Variants in HMGCLL1 observed in about 807,000 individuals in gnomAD.
HMGCLL1 encodes 3-hydroxymethyl-3-methylglutaryl-CoA lyase, cytoplasmic.
In HMGCLL1, 36 loss-of-function variants were observed where a neutral mutation model predicts 39.1. The observed-to-expected ratio is 0.92, with a 90% confidence interval of 0.71 to 1.22. The LOEUF is 1.22. Among genes scored for constraint, HMGCLL1 ranks in the 50% most tolerant of loss-of-function variants. The pLI, the probability that HMGCLL1 is intolerant of heterozygous loss-of-function variation, is 0.00. For synonymous variants in HMGCLL1, 149 were observed against 144.0 expected (o/e 1.03, Z -0.25); for missense variants, 451 against 416.5 (o/e 1.08, Z -0.72).
chr6:55,573,696 A>G (rs1771629447), intron 1 of HMGCLL1, among the ~76,000 whole-genome samples: 1 of 152,182 alleles, frequency 6.6e-6, no homozygotes, highest in African/African-American at 2.4e-5. Flanking sequence ...AATAAGGCAC[A>G]GAGAAAGTTC....
At chr6:55,518,566 G>T (rs1284968420) in intron 3 of HMGCLL1, among the ~76,000 whole-genome samples, 5 of 152,078 alleles carry the variant, frequency 3.3e-5, no homozygotes, top group Non-Finnish European at 5.9e-5. Flanking sequence ...CTGAAGCCAG[G>T]TTACAAAAAA....
chr6:55,574,052 A>AAAAC (rs1184350581), intron 1 of HMGCLL1, among the ~76,000 whole-genome samples: 1 of 152,066 alleles, frequency 6.6e-6, no homozygotes, highest in Non-Finnish European at 1.5e-5. Flanking sequence ...CATGGCTGTT[A>AAAAC]ATTTTTTAGA....
chr6:55,460,143 G>T (rs1018482206), intron 7 of HMGCLL1, among the ~76,000 whole-genome samples: 1 of 151,924 alleles, frequency 6.6e-6, no homozygotes, highest in Non-Finnish European at 1.5e-5. Context: ...ATGAATGCAT[G>T]CATGCCTCTG....
chr6:55,472,718 G>A (rs1765101789), intron 7 of HMGCLL1, among the ~76,000 whole-genome samples: 1 of 151,334 alleles, frequency 6.6e-6, no homozygotes, highest in Non-Finnish European at 1.5e-5. Context: ...GCATTAATAT[G>A]TATTCTGATA....
chr6:55,473,058 C>A (rs1484568297), intron 7 of HMGCLL1, among the ~76,000 whole-genome samples: 1 of 151,188 alleles, frequency 6.6e-6, no homozygotes, highest in African/African-American at 2.4e-5. Context: ...AATATTGCTA[C>A]CCCAGCTTTC....
the HMGCLL1 span, among the ~76,000 whole-genome samples, chr6:55,626,168 C>A: frequency 6.6e-6 from 1 of 152,108 alleles, no homozygotes; most frequent in African/African-American, 2.4e-5. Context: ...TTATATTGGA[C>A]CTCTTCCATC....
intron 1 of HMGCLL1, among the ~76,000 whole-genome samples, chr6:55,558,378 T>C (rs1770775848): frequency 6.6e-6 from 1 of 152,180 alleles, no homozygotes; most frequent in South Asian, 2.1e-4. Context: ...GTGGTCCTGG[T>C]TTATACCTGT....
chr6:55,437,083 C>A (rs907260346), intron 8 of HMGCLL1, among the ~76,000 whole-genome samples: 6 of 151,936 alleles, frequency 3.9e-5, no homozygotes, highest in Non-Finnish European at 8.8e-5. Flanking sequence ...TCAGTAAGTC[C>A]ATTTGTCACA....
At chr6:55,439,015 G>C (rs925873310) in intron 8 of HMGCLL1, among the ~76,000 whole-genome samples, 1 of 151,978 alleles carries the variant, frequency 6.6e-6, no homozygotes, top group Admixed American at 6.6e-5. Context: ...AAAGTGCCCT[G>C]GGAGTTCTTC....
At chr6:55,573,305 A>G (rs1457988590) in intron 1 of HMGCLL1, among the ~76,000 whole-genome samples, 1 of 152,132 alleles carries the variant, frequency 6.6e-6, no homozygotes, top group Non-Finnish European at 1.5e-5. Flanking sequence ...TTACATCTAT[A>G]ATTATTTTCA....
chr6:55,526,522 T>C (rs1044012706), intron 3 of HMGCLL1, among the ~76,000 whole-genome samples: 23 of 152,184 alleles, frequency 1.5e-4, no homozygotes, highest in Non-Finnish European at 2.8e-4. Flanking sequence ...ATTTAATAAA[T>C]GATTGTTGAA....
intron 1 of HMGCLL1, among the ~76,000 whole-genome samples, chr6:55,547,484 G>C (rs9396107): frequency 0.38 from 57,636 of 151,726 alleles, 12,386 homozygotes; most frequent in East Asian, 0.52. Flanking sequence ...ATCATCTATA[G>C]TAGAAATTTC....
chr6:55,561,915 A>G lies in HMGCLL1; in HGVS notation c.108+17033T>C, dbSNP rs548154164. 3.4e-3 allele frequency among the ~76,000 whole-genome samples: 520 copies of G among 152,258 alleles called. 2 individuals carry two copies. Among genetic ancestry groups the G allele is most frequent in the African/African-American group, 0.012 (508 of 41,570 alleles). On this transcript the variant is annotated intron_variant, in intron 1 of 8. Transcript: ENST00000274901. ...GTCTTCTCAGCATACGATAAACTAA[A>G]TGATGGAAGAAATTATAAACTATAA... is the stretch of plus-strand genomic sequence containing the variant.
Position 55,474,445 on chromosome 6 carries a change from GT to G in HMGCLL1, c.795+20973del, listed in dbSNP as rs199836558. On this transcript the variant is annotated intron_variant, in intron 7 of 8. Coordinates refer to ENST00000274901, the MANE Select transcript of HMGCLL1 (RefSeq NM_001042406.2). Reference sequence around the variant, plus strand: ...TCAACAGCATTCTTCATTTCTATTAGTTTTTTTTTCTAGCATTTCTTTTTTA... The same window carrying G: ...TCAACAGCATTCTTCATTTCTATTAGTTTTTTTTCTAGCATTTCTTTTTTA... Among the ~76,000 whole-genome samples the G allele has an allele frequency of 6.7e-3, 1,012 of 150,804 alleles. 14 individuals are homozygous for G. Among genetic ancestry groups the G allele is most frequent in the African/African-American group, 0.023 (936 of 41,234 alleles).
rs946384006 is a variant in HMGCLL1, at chr6:55,479,062, TAAAC to T, written c.795+16353_795+16356del. Among the ~76,000 whole-genome samples the T allele has an allele frequency of 2.2e-4, 33 of 151,714 alleles. 2 individuals carry two copies. The highest frequency in any genetic ancestry group is 6.6e-4 in the African/African-American group (27 of 41,082). On this transcript the variant is annotated intron_variant, in intron 7 of 8. Transcript: ENST00000274901. ...GCACAGCTTTAAGTAGTTTTAATCT[TAAAC>T]AAAGTTTAAGCTGAAAGAAATCTCT...
chr6:55,633,144 G>C, the HMGCLL1 span, among the ~76,000 whole-genome samples: 15 of 152,162 alleles, frequency 9.9e-5, no homozygotes, highest in African/African-American at 3.4e-4. Flanking sequence ...TGACTCACTA[G>C]CCCACACCAG....
At chr6:55,555,604 C>T (rs1016462360) in intron 1 of HMGCLL1, among the ~76,000 whole-genome samples, 2 of 152,176 alleles carry the variant, frequency 1.3e-5, no homozygotes, top group Non-Finnish European at 1.5e-5. Context: ...TAAATGGGTA[C>T]AATTCATCCA....
At chr6:55,556,061 T>C (rs887466967) in intron 1 of HMGCLL1, among the ~76,000 whole-genome samples, 1 of 152,038 alleles carries the variant, frequency 6.6e-6, no homozygotes, top group African/African-American at 2.4e-5. Context: ...CAATAATTGT[T>C]AGCAGCATCA....
chr6:55,475,331 C>T (rs568820078), intron 7 of HMGCLL1, among the ~76,000 whole-genome samples: 2 of 151,670 alleles, frequency 1.3e-5, no homozygotes, highest in African/African-American at 4.8e-5. Context: ...GTAAGACTCA[C>T]AAAATTAGCG....
Sources: gnomAD v4.1 joint callset for allele counts (sites outside exome capture counted in the v4.1 genomes callset) on GRCh38, gnomAD v4.1.1 for gene constraint, MANE v1.5 for transcripts, NCBI Gene and HGNC (gene_info 2026-07-23, HGNC 2026-07-21) for gene names.